Variants in RBFOX1 observed in about 807,000 individuals in gnomAD.
RBFOX1 encodes the protein RNA binding fox-1 homolog 1.
Under a neutral mutation model 57.7 loss-of-function variants are expected in RBFOX1, and 8 were observed. The observed-to-expected ratio is 0.14, with a 90% CI of 0.08 to 0.25. RBFOX1 has a LOEUF of 0.25. RBFOX1 is among the 10% of genes least tolerant of loss of function. The probability of loss-of-function intolerance (pLI) is 1.00; values close to 1 mark genes in which losing one functional copy is unlikely to be tolerated. For missense variants in RBFOX1, 611 were observed against 548.5 expected (o/e 1.11, Z -1.14); for synonymous variants, 326 against 222.4 (o/e 1.47, Z -4.15).
intron 2 of RBFOX1, among the ~76,000 whole-genome samples, chr16:6,511,591 C>T (rs1217505113): frequency 6.6e-6 from 1 of 152,114 alleles, no homozygotes; most frequent in Non-Finnish European, 1.5e-5. Flanking sequence ...TGTGAATAGT[C>T]CTCATACATA....
chr16:6,553,517 A>G (rs935928119), intron 2 of RBFOX1, among the ~76,000 whole-genome samples: 4 of 152,192 alleles, frequency 2.6e-5, no homozygotes, highest in African/African-American at 9.7e-5. Context: ...AAGTACATGC[A>G]CCTCAAACCT....
At chr16:6,859,943 C>T (rs1492374) in intron 3 of RBFOX1, among the ~76,000 whole-genome samples, 2 of 151,902 alleles carry the variant, frequency 1.3e-5, no homozygotes, top group African/African-American at 4.8e-5. Flanking sequence ...TGAATTGAGA[C>T]AGCTGAATAG....
At chr16:5,811,388 C>G (rs1459616864) in intron 3 of RBFOX1, among the ~76,000 whole-genome samples, 2 of 151,944 alleles carry the variant, frequency 1.3e-5, no homozygotes, top group African/African-American at 4.8e-5. Context: ...GGTGATCCGC[C>G]TGCCTCGGCC....
chr16:6,884,526 C>T (rs1031969860), intron 3 of RBFOX1, among the ~76,000 whole-genome samples: 2 of 152,176 alleles, frequency 1.3e-5, no homozygotes, highest in African/African-American at 4.8e-5. Flanking sequence ...TGACATGTTA[C>T]ATGTACATCA....
At chr16:6,640,239 C>A (rs1382891212) in intron 2 of RBFOX1, among the ~76,000 whole-genome samples, 5 of 152,116 alleles carry the variant, frequency 3.3e-5, no homozygotes. Flanking sequence ...TTCAGATACG[C>A]CTTTTGCCAC....
intron 2 of RBFOX1, among the ~76,000 whole-genome samples, chr16:6,582,461 A>ATTTTT (rs5815331): frequency 3.4e-5 from 5 of 146,936 alleles, no homozygotes; most frequent in African/African-American, 1.0e-4. Flanking sequence ...GTTAGCGCCA[A>ATTTTT]TTTTTTTTTT....
chr16:7,278,204 C>T (rs140151807), intron 4 of RBFOX1, among the ~76,000 whole-genome samples: 1 of 152,252 alleles, frequency 6.6e-6, no homozygotes, highest in East Asian at 1.9e-4. Context: ...TTGGTGTATG[C>T]ATTCAACAAA....
chr16:7,130,137 A>T (rs542241984), intron 4 of RBFOX1, among the ~76,000 whole-genome samples: 2 of 151,336 alleles, frequency 1.3e-5, no homozygotes, highest in Non-Finnish European at 2.9e-5. Flanking sequence ...GGTTCAAGCA[A>T]TTCTCCTGCC....
At chr16:7,062,662 C>G (rs1212211764) in intron 4 of RBFOX1, among the ~76,000 whole-genome samples, 6 of 152,130 alleles carry the variant, frequency 3.9e-5, no homozygotes, top group African/African-American at 1.4e-4. Flanking sequence ...TGAATTCTTT[C>G]TCCTGAGACT....
intron 4 of RBFOX1, among the ~76,000 whole-genome samples, chr16:5,959,146 C>G (rs2059702184): frequency 6.6e-6 from 1 of 152,186 alleles, no homozygotes; most frequent in Admixed American, 6.5e-5. Flanking sequence ...CAAGGACAGA[C>G]TGCCCATCCT....
chr16:7,069,098 G>A (rs1198479829), intron 4 of RBFOX1, among the ~76,000 whole-genome samples: 3 of 152,170 alleles, frequency 2.0e-5, no homozygotes, highest in Non-Finnish European at 4.4e-5. Flanking sequence ...TCAGATCCCT[G>A]ACATTATTTT....
At chr16:7,068,869 A>T (rs2346261) in intron 4 of RBFOX1, among the ~76,000 whole-genome samples, 3 of 152,036 alleles carry the variant, frequency 2.0e-5, no homozygotes, top group Non-Finnish European at 4.4e-5. Context: ...GGTTTCAGGC[A>T]TGAGCCACCG....
intron 4 of RBFOX1, among the ~76,000 whole-genome samples, chr16:7,350,330 A>C (rs1322248490): frequency 1.3e-5 from 2 of 152,104 alleles, no homozygotes; most frequent in Non-Finnish European, 2.9e-5. Context: ...TGAAATGGGT[A>C]TGTTTGAGAA....
chr16:6,275,743 C>T (rs12597604), intron 1 of RBFOX1, among the ~76,000 whole-genome samples: 1,547 of 152,150 alleles, frequency 0.01, 41 homozygotes, highest in East Asian at 0.047. Flanking sequence ...ACATAAATGC[C>T]ATAGAAAATA....
At chr16:7,643,299 G>C (rs974178415) in intron 11 of RBFOX1, among the ~76,000 whole-genome samples, 2 of 152,130 alleles carry the variant, frequency 1.3e-5, no homozygotes, top group African/African-American at 2.4e-5. Context: ...ATCCCAGTGT[G>C]CTCATTACAT....
intron 1 of RBFOX1, among the ~76,000 whole-genome samples, chr16:5,394,133 T>G (rs143133402): frequency 0.01 from 1,584 of 152,116 alleles, 16 homozygotes; most frequent in Middle Eastern, 0.031. Flanking sequence ...AAGCAGTTCT[T>G]CTGCCTCAGC....
intron 3 of RBFOX1, among the ~76,000 whole-genome samples, chr16:6,983,209 C>G (rs2057125815): frequency 3.3e-5 from 5 of 152,058 alleles, no homozygotes; most frequent in Non-Finnish European, 7.4e-5. Flanking sequence ...CATCCTCTGA[C>G]TCTGTCACCC....
At chr16:6,787,561 G>T (rs1296502089) in intron 3 of RBFOX1, among the ~76,000 whole-genome samples, 3 of 152,164 alleles carry the variant, frequency 2.0e-5, no homozygotes, top group Non-Finnish European at 2.9e-5. Flanking sequence ...GCCAATTCCA[G>T]ATTTAGCCGT....
At chr16:5,960,491 C>G (rs1185336982) in intron 4 of RBFOX1, among the ~76,000 whole-genome samples, 2 of 152,154 alleles carry the variant, frequency 1.3e-5, no homozygotes, top group African/African-American at 2.4e-5. Flanking sequence ...ACAATGTCAT[C>G]TTCAAACACA....
Sources: gnomAD v4.1 joint callset for allele counts (sites outside exome capture counted in the v4.1 genomes callset) on GRCh38, gnomAD v4.1.1 for gene constraint, MANE v1.5 for transcripts, NCBI Gene and HGNC (gene_info 2026-07-23, HGNC 2026-07-21) for gene names.